Variants in EPHB2 observed in about 807,000 individuals in gnomAD.
EPHB2 encodes the protein EPH receptor B2.
Under a neutral mutation model 96.4 loss-of-function variants are expected in EPHB2, and 18 were observed. The observed-to-expected ratio is 0.19, with a 90% CI of 0.13 to 0.28. The LOEUF (loss-of-function observed/expected upper bound fraction) is 0.28. EPHB2 is among the 10% of genes least tolerant of loss of function. The pLI, the probability that EPHB2 is intolerant of heterozygous loss-of-function variation, is 1.00. For synonymous variants in EPHB2, 506 were observed against 534.1 expected (o/e 0.95, Z 0.72); for missense variants, 989 against 1,355.4 (o/e 0.73, Z 4.25).
intron 1 of EPHB2, among the ~76,000 whole-genome samples, chr1:22,777,508 A>G (rs1263079495): frequency 2.6e-5 from 4 of 152,212 alleles, no homozygotes; most frequent in Non-Finnish European, 5.9e-5. Context: ...TGGTGGAAAC[A>G]GAGCTTGGTT....
chr1:22,779,799 A>G (rs1411045030), intron 1 of EPHB2, among the ~76,000 whole-genome samples: 1 of 152,114 alleles, frequency 6.6e-6, no homozygotes, highest in Admixed American at 6.5e-5. Context: ...AATGGTTCGT[A>G]TTTGTTTCCT....
At chr1:22,878,955 C>G (rs545743312) in intron 5 of EPHB2, among the ~76,000 whole-genome samples, 1 of 152,216 alleles carries the variant, frequency 6.6e-6, no homozygotes, top group East Asian at 1.9e-4. Context: ...CACATATCAA[C>G]GTGCTGTAAG....
At chr1:22,800,771 GACACACACACACACAC>G (rs71666873) in intron 3 of EPHB2, among the ~76,000 whole-genome samples, 1 of 148,456 alleles carries the variant, frequency 6.7e-6, no homozygotes, top group South Asian at 2.1e-4. Flanking sequence ...GTGTGTATGT[GACACACACACACACAC>G]ACACACACAC....
rs55650452 is a variant in EPHB2, at chr1:22,791,471, CT to C, written c.811+6414del. On this transcript the variant is annotated intron_variant, in intron 3 of 15. Coordinates refer to ENST00000374630, the MANE Select transcript of EPHB2 (RefSeq NM_017449.5). ...TCTTTCTTTCTTTCTTTCTTTCTTTCTTTTTTTTTTTTTTTTTTTCCTTTCA... is the reference window on the plus strand; with the variant it reads ...TCTTTCTTTCTTTCTTTCTTTCTTTCTTTTTTTTTTTTTTTTTTCCTTTCA... 7.1e-3 allele frequency among the ~76,000 whole-genome samples: 660 copies of C among 92,850 alleles called. 2 individuals are homozygous for C. Among genetic ancestry groups the C allele is most frequent in the South Asian group, 0.014 (40 of 2,772 alleles). 60.9% of individuals were successfully genotyped at this position (92,850 alleles called of 152,430 possible).
chr1:22,838,109 G>A (rs1162426858), intron 3 of EPHB2, among the ~76,000 whole-genome samples: 1 of 152,188 alleles, frequency 6.6e-6, no homozygotes, highest in South Asian at 2.1e-4. Context: ...AGAGCCCGGG[G>A]TTTGGCACTG....
intron 3 of EPHB2, among the ~76,000 whole-genome samples, chr1:22,811,877 C>T (rs982890778): frequency 1.3e-5 from 2 of 152,100 alleles, no homozygotes; most frequent in Non-Finnish European, 1.5e-5. Context: ...CATCTCTACA[C>T]AAAATTTAAA....
At chr1:22,869,736 C>T (rs1209175645) in intron 5 of EPHB2, among the ~76,000 whole-genome samples, 1 of 152,218 alleles carries the variant, frequency 6.6e-6, no homozygotes, top group African/African-American at 2.4e-5. Flanking sequence ...TTATCCCATT[C>T]TTCCTTCAGG....
At chr1:22,761,599 G>A (rs1282512522) in intron 1 of EPHB2, among the ~76,000 whole-genome samples, 1 of 152,180 alleles carries the variant, frequency 6.6e-6, no homozygotes, top group African/African-American at 2.4e-5. Context: ...ATGGGGATAG[G>A]AAAGTCTCAA....
At chr1:22,769,117 G>T (rs1469164099) in intron 1 of EPHB2, among the ~76,000 whole-genome samples, 1 of 152,122 alleles carries the variant, frequency 6.6e-6, no homozygotes, top group Non-Finnish European at 1.5e-5. Flanking sequence ...GGTGGGATGG[G>T]CCCCAGCCAT....
chr1:22,872,911 G>C (rs905125790), intron 5 of EPHB2, among the ~76,000 whole-genome samples: 1 of 152,236 alleles, frequency 6.6e-6, no homozygotes, highest in Admixed American at 6.5e-5. Context: ...GAGACCACGA[G>C]GTTCGAGAGG....
intron 3 of EPHB2, among the ~76,000 whole-genome samples, chr1:22,825,028 G>A (rs1474994290): frequency 6.6e-6 from 1 of 152,244 alleles, no homozygotes; most frequent in Admixed American, 6.5e-5. Flanking sequence ...GTCATCAGGA[G>A]CTCCTAGAAC....
At chr1:22,898,674 T>G (rs1282345208) in intron 9 of EPHB2, among the ~76,000 whole-genome samples, 1 of 152,082 alleles carries the variant, frequency 6.6e-6, no homozygotes, top group Non-Finnish European at 1.5e-5. Flanking sequence ...CCAACGGGGC[T>G]GATGCAAGGA....
chr1:22,765,783 A>G (rs1001726786), intron 1 of EPHB2, among the ~76,000 whole-genome samples: 1 of 152,020 alleles, frequency 6.6e-6, no homozygotes, highest in Non-Finnish European at 1.5e-5. Context: ...AGCAATCCCT[A>G]AGGCCTCAGC....
rs1001479159 is a variant in EPHB2, at chr1:22,734,239, C to A, written c.61+23196C>A. 7.9e-5 allele frequency among the ~76,000 whole-genome samples: 12 copies of A among 151,934 alleles called. No homozygotes were observed. In the East Asian group the frequency reaches 2.1e-3, roughly 27 times the overall value. On this transcript the variant is annotated intron_variant, in intron 1 of 15. Transcript: ENST00000374630. ...TTTAGCAGGAGCAGGATAAATCTTA[C>A]CCCCCGGCACAGCCCATGCACAGCC...
intron 1 of EPHB2, among the ~76,000 whole-genome samples, chr1:22,758,094 A>G (rs1208190427): frequency 7.1e-6 from 1 of 141,482 alleles, no homozygotes; most frequent in African/African-American, 2.6e-5. Flanking sequence ...AATTTTTTGT[A>G]TTTTTAGTAG....
intron 1 of EPHB2, among the ~76,000 whole-genome samples, chr1:22,756,530 G>A (rs1194041300): frequency 7.9e-5 from 12 of 152,136 alleles, no homozygotes; most frequent in Admixed American, 5.9e-4. Flanking sequence ...AGGGTGTCCC[G>A]TCTGGGTTGA....
At chr1:22,732,078 A>G (rs1367603418) in intron 1 of EPHB2, among the ~76,000 whole-genome samples, 1 of 152,170 alleles carries the variant, frequency 6.6e-6, no homozygotes, top group East Asian at 1.9e-4. Flanking sequence ...CAGACCATTT[A>G]CAGGCTGTGT....
intron 3 of EPHB2, among the ~76,000 whole-genome samples, chr1:22,855,065 C>T (rs752246623): frequency 2.0e-5 from 3 of 152,176 alleles, no homozygotes; most frequent in Non-Finnish European, 4.4e-5. Flanking sequence ...CAGCTGGAGT[C>T]CCAAGCTGGA....
chr1:22,762,339 C>A (rs897474209), intron 1 of EPHB2, among the ~76,000 whole-genome samples: 3 of 152,230 alleles, frequency 2.0e-5, no homozygotes, highest in Non-Finnish European at 4.4e-5. Flanking sequence ...GCTGCAGGAC[C>A]CTCAGCTGGA....
Sources: gnomAD v4.1 joint callset for allele counts (sites outside exome capture counted in the v4.1 genomes callset) on GRCh38, gnomAD v4.1.1 for gene constraint, MANE v1.5 for transcripts, NCBI Gene and HGNC (gene_info 2026-07-23, HGNC 2026-07-21) for gene names.